TRAPPC9: variants seen among roughly 807,000 people sequenced by gnomAD.
The protein encoded by TRAPPC9 is trafficking protein particle complex subunit 9.
In TRAPPC9, 83 loss-of-function variants were observed where a neutral mutation model predicts 124.0. The observed-to-expected ratio is 0.67, with a 90% CI of 0.56 to 0.80. TRAPPC9 has a LOEUF of 0.80. Among genes scored for constraint, TRAPPC9 ranks in the 30% least tolerant of loss-of-function variants. The pLI is 0.00. For missense variants in TRAPPC9, 1,302 were observed against 1,508.3 expected, an observed-to-expected ratio of 0.86 and a Z score of 2.27; for synonymous variants, 638 against 617.5, an observed-to-expected ratio of 1.03 and a Z score of -0.49.
At chr8:140,014,437 AAAT>A (rs936004259) in intron 18 of TRAPPC9, among the ~76,000 whole-genome samples, 18 of 152,140 alleles carry the variant, frequency 1.2e-4, no homozygotes, top group African/African-American at 3.1e-4. Flanking sequence ...AGAACAGTAA[AAAT>A]AATAATAATA....
intron 9 of TRAPPC9, among the ~76,000 whole-genome samples, chr8:140,336,451 AAT>A (rs1321843573): frequency 6.6e-6 from 1 of 152,158 alleles, no homozygotes; most frequent in East Asian, 1.9e-4. Flanking sequence ...GGCCACTGGA[AAT>A]ATGTAGAAAA....
intron 16 of TRAPPC9, among the ~76,000 whole-genome samples, chr8:140,250,483 C>T (rs1359076500): frequency 6.6e-6 from 1 of 152,146 alleles, no homozygotes; most frequent in Non-Finnish European, 1.5e-5. Context: ...CTGTGAGCTA[C>T]AGGGGGTCGT....
At chr8:139,856,728 C>T (rs977180779) in intron 21 of TRAPPC9, among the ~76,000 whole-genome samples, 3 of 122,734 alleles carry the variant, frequency 2.4e-5, no homozygotes, top group African/African-American at 8.8e-5. Flanking sequence ...CAAAAACCAG[C>T]ACCTGCAAAA....
intron 14 of TRAPPC9, among the ~76,000 whole-genome samples, chr8:140,282,434 T>G (rs1588088005): frequency 6.9e-6 from 1 of 145,184 alleles, no homozygotes. Flanking sequence ...ACCCGGGAGG[T>G]GAAGGTTGCA....
At chr8:140,083,307 C>G (rs886361167) in intron 17 of TRAPPC9, among the ~76,000 whole-genome samples, 2 of 152,060 alleles carry the variant, frequency 1.3e-5, no homozygotes, top group African/African-American at 4.8e-5. Flanking sequence ...AATAAAATTA[C>G]AAATAAATGG....
At chr8:140,147,875 C>A (rs1024155966) in intron 17 of TRAPPC9, among the ~76,000 whole-genome samples, 2 of 152,258 alleles carry the variant, frequency 1.3e-5, no homozygotes, top group Admixed American at 1.3e-4. Context: ...TGTGACCAGA[C>A]CCGGCAGGTC....
At chr8:140,366,604 G>A (rs988800503) in intron 8 of TRAPPC9, among the ~76,000 whole-genome samples, 6 of 152,200 alleles carry the variant, frequency 3.9e-5, no homozygotes, top group Non-Finnish European at 7.3e-5. Context: ...AATGCAGGAT[G>A]AGAAAATACA....
intron 21 of TRAPPC9, among the ~76,000 whole-genome samples, chr8:139,752,759 T>C (rs1353787984): frequency 2.7e-5 from 4 of 149,722 alleles, no homozygotes; most frequent in Non-Finnish European, 4.4e-5. Context: ...TCCATCCATC[T>C]ATATATCCAT....
rs1707404224 is a variant in TRAPPC9 at position 139,825,682 on chromosome 8, T to C, written c.3055+60197A>G. On this transcript the variant is annotated intron_variant, in intron 21 of 22. Coordinates refer to ENST00000438773, the MANE Select transcript of TRAPPC9 (RefSeq NM_001160372.4). The surrounding 1 kb of genome is among the most constrained non-coding windows in gnomAD (Gnocchi z 4.6). ...TTTGTTTGCTTTGGGCCAGGGCTTC[T>C]GCAGGACACAGCCAGTGATCAGACG... 6.6e-6 allele frequency among the ~76,000 whole-genome samples: 1 copy of C among 152,170 alleles called. No homozygotes were observed. Among genetic ancestry groups the C allele is most frequent in the Non-Finnish European group, 1.5e-5 (1 of 68,022 alleles).
At chr8:140,074,244 C>T (rs1843364350) in intron 17 of TRAPPC9, among the ~76,000 whole-genome samples, 1 of 152,144 alleles carries the variant, frequency 6.6e-6, no homozygotes, top group Admixed American at 6.5e-5. Flanking sequence ...CCTCCTACAC[C>T]CCTCCAGCCC....
At chr8:140,411,133 A>G (rs566262863) in intron 5 of TRAPPC9, among the ~76,000 whole-genome samples, 1 of 152,152 alleles carries the variant, frequency 6.6e-6, no homozygotes, top group Non-Finnish European at 1.5e-5. Flanking sequence ...AACTCTAGGT[A>G]CGGGTTTTGT....
chr8:140,351,701 C>T (rs2067582979), intron 9 of TRAPPC9, among the ~76,000 whole-genome samples: 1 of 152,120 alleles, frequency 6.6e-6, no homozygotes, highest in Admixed American at 6.5e-5. Flanking sequence ...ACTTGAGTAT[C>T]CCTAGGTTTT....
chr8:140,069,715 G>C (rs1843049246), intron 17 of TRAPPC9, among the ~76,000 whole-genome samples: 1 of 152,056 alleles, frequency 6.6e-6, no homozygotes, highest in South Asian at 2.1e-4. Flanking sequence ...GACATGAGAG[G>C]GGATGTATTA....
At chr8:140,361,202 G>A (rs1022566692) in intron 8 of TRAPPC9, among the ~76,000 whole-genome samples, 23 of 152,382 alleles carry the variant, frequency 1.5e-4, no homozygotes, top group African/African-American at 5.3e-4. Flanking sequence ...AATAGCTCAC[G>A]ACAGTCGGTT....
intron 17 of TRAPPC9, among the ~76,000 whole-genome samples, chr8:140,135,517 G>A (rs897378298): frequency 6.6e-6 from 1 of 152,170 alleles, no homozygotes; most frequent in Non-Finnish European, 1.5e-5. Context: ...ATTATACCAG[G>A]TGAAATAAGC....
chr8:140,206,229 G>C (rs1409956717), intron 17 of TRAPPC9, among the ~76,000 whole-genome samples: 1 of 152,184 alleles, frequency 6.6e-6, no homozygotes, highest in Non-Finnish European at 1.5e-5. Flanking sequence ...AAAATTATCA[G>C]TAAACTAGGA....
chr8:139,739,138 C>T (rs1436942833), intron 21 of TRAPPC9, among the ~76,000 whole-genome samples: 1 of 152,174 alleles, frequency 6.6e-6, no homozygotes, highest in Admixed American at 6.5e-5. Flanking sequence ...GTCTCACCCT[C>T]CACTTTCTCC....
intron 17 of TRAPPC9, among the ~76,000 whole-genome samples, chr8:140,153,603 CATTTAACACAGCACCTGCGTATAGT>C (rs2061582964): frequency 6.6e-6 from 1 of 152,218 alleles, no homozygotes; most frequent in East Asian, 1.9e-4. Context: ...TGTTTCACAG[CATTTAACACAGCACCTGCGTATAGT>C]ATATTACATA....
In TRAPPC9 at chr8:139,877,072, T is replaced by A. The variant is rs558404427; in HGVS notation, c.3055+8807A>T. Among the ~76,000 whole-genome samples, 13 of 152,308 alleles carry A rather than the reference T, an allele frequency of 8.5e-5. No homozygotes were observed. In the South Asian group the frequency reaches 2.7e-3, roughly 32 times the overall value. On this transcript the variant is annotated intron_variant, in intron 21 of 22. Transcript: ENST00000438773. ...CTCACGGTGGGATTTGCTTGGTGAT[T>A]AGTTGGAGAATGTGTACTGAAAATA...
Sources: gnomAD v4.1 joint callset for allele counts (sites outside exome capture counted in the v4.1 genomes callset) on GRCh38, gnomAD v4.1.1 for gene constraint, Gnocchi (gnomAD v3.1) non-coding constraint, MANE v1.5 for transcripts, NCBI Gene and HGNC (gene_info 2026-07-23, HGNC 2026-07-21) for gene names.